Variants in ABCB11 observed in about 807,000 individuals in gnomAD.
ABCB11 encodes the protein bile salt export pump.
A neutral mutation model predicts 148.0 loss-of-function variants in ABCB11; 95 were observed. That is an observed-to-expected ratio of 0.64 (90% CI 0.54 to 0.76). The LOEUF is 0.76. Among genes scored for constraint, ABCB11 ranks in the 30% least tolerant of loss-of-function variants. The probability of loss-of-function intolerance (pLI) is 0.00; values close to 1 mark genes in which losing one functional copy is unlikely to be tolerated. For missense variants in ABCB11, 1,523 were observed against 1,617.8 expected (o/e 0.94, Z 1.01); for synonymous variants, 591 against 555.4 (o/e 1.06, Z -0.90).
chr2:168,932,476 G>T lies in ABCB11; in HGVS notation c.3114C>A (p.Thr1038=), dbSNP rs2105891540. The T allele has an allele frequency of 1.2e-6, 2 of 1,613,492 alleles. No homozygotes were observed. Among genetic ancestry groups the T allele is most frequent in the African/African-American group, 2.7e-5 (2 of 75,004 alleles). The change falls in exon 24 of 28, where the codon ACC becomes ACA. Residue 1038 remains threonine, a synonymous_variant. Transcript: ENST00000650372. Reference sequence around the variant, plus strand: ...ATATTTTAGCTTTTGCATAACTTGGGGTGTAAGAGAAGGCTCTTCCAAGAG... The same window carrying T: ...ATATTTTAGCTTTTGCATAACTTGGTGTGTAAGAGAAGGCTCTTCCAAGAG... The part of the protein sequence containing the change: ...ATALGRAFSY[T]PSYAKAKISA...
downstream of ABCB11, among the ~76,000 whole-genome samples, chr2:168,918,312 G>T (rs768256335): frequency 5.4e-4 from 82 of 152,210 alleles, no homozygotes; most frequent in Non-Finnish European, 1.0e-3. Context: ...TGCCCTCAAA[G>T]ACCATCAATA....
intron 12 of ABCB11, among the ~76,000 whole-genome samples, chr2:168,975,920 C>T (rs1693883990): frequency 6.6e-6 from 1 of 151,542 alleles, no homozygotes; most frequent in East Asian, 1.9e-4. Flanking sequence ...TAGAGATACT[C>T]TGTTGAAAAT....
At chr2:168,928,738 A>G (rs1335668301) in intron 25 of ABCB11, among the ~76,000 whole-genome samples, 1 of 152,220 alleles carries the variant, frequency 6.6e-6, no homozygotes, top group African/African-American at 2.4e-5. Context: ...CAGGCATGCC[A>G]GAAGTGACAT....
intron 10 of ABCB11, 82 bp downstream of exon 10, chr2:168,986,028 T>G: frequency 8.4e-7 from 1 of 1,185,950 alleles, no homozygotes; most frequent in Non-Finnish European, 1.1e-6. Flanking sequence ...GGCACCAAAG[T>G]AATAAACAAA....
chr2:168,933,941 T>C (rs1227238597), intron 23 of ABCB11, among the ~76,000 whole-genome samples: 3 of 151,964 alleles, frequency 2.0e-5, no homozygotes, highest in Non-Finnish European at 2.9e-5. Flanking sequence ...TTTGTAGAGA[T>C]GAGGTTTCGC....
chr2:169,029,442 G>A (rs988720354), intron 1 of ABCB11, among the ~76,000 whole-genome samples: 2 of 152,086 alleles, frequency 1.3e-5, no homozygotes, highest in African/African-American at 2.4e-5. Flanking sequence ...AAATAGAAAG[G>A]CATTATTTTC....
At chr2:168,969,167 T>C (rs986705355) in intron 16 of ABCB11, among the ~76,000 whole-genome samples, 183 bp downstream of exon 16, 1 of 151,716 alleles carries the variant, frequency 6.6e-6, no homozygotes, top group African/African-American at 2.4e-5. Flanking sequence ...AGCCTTGGTT[T>C]TAGTGCTGTA....
chr2:168,945,222 G>C (rs986459529), intron 19 of ABCB11, among the ~76,000 whole-genome samples: 3 of 151,632 alleles, frequency 2.0e-5, no homozygotes, highest in African/African-American at 7.3e-5. Context: ...AGGGTGGTAG[G>C]GGGTATATGG....
chr2:168,941,769 T>C lies in ABCB11; in HGVS notation c.2610+2836A>G, dbSNP rs187616460. On this transcript the variant is annotated intron_variant, in intron 21 of 27. Transcript: ENST00000650372. Reference sequence around the variant, plus strand: ...TGAGGCAAACTTCACAGTTGTCTTATAAGATATTGCCAGTCTAACCTTCAG... The same window carrying C: ...TGAGGCAAACTTCACAGTTGTCTTACAAGATATTGCCAGTCTAACCTTCAG... Among the ~76,000 whole-genome samples, 42 of 152,170 alleles carry C rather than the reference T, an allele frequency of 2.8e-4. No individual in the cohort carries two copies. In the South Asian group the frequency reaches 3.3e-3, roughly 12 times the overall value.
intron 2 of ABCB11, chr2:169,017,827 C>T (rs899781635): frequency 1.3e-5 from 9 of 697,150 alleles, no homozygotes; most frequent in East Asian, 2.6e-5. Flanking sequence ...GTGAGAGATG[C>T]TTTCATTTAC....
chr2:168,918,203 T>C (rs1046254405), downstream of ABCB11, among the ~76,000 whole-genome samples: 8 of 152,178 alleles, frequency 5.3e-5, no homozygotes, highest in Admixed American at 6.5e-5. Flanking sequence ...ACTACCTGTG[T>C]GACTTTGAGA....
intron 10 of ABCB11, among the ~76,000 whole-genome samples, chr2:168,982,640 G>A (rs1553468553): frequency 2.6e-5 from 4 of 152,008 alleles, no homozygotes; most frequent in Non-Finnish European, 4.4e-5. Context: ...AGCCAGTAAC[G>A]ATTTTGTGTA....
chr2:168,979,279 C>T (rs1701429189), intron 11 of ABCB11, among the ~76,000 whole-genome samples: 1 of 151,998 alleles, frequency 6.6e-6, no homozygotes, highest in Non-Finnish European at 1.5e-5. Flanking sequence ...CCTCCCTGCT[C>T]TTACTTCCCA....
rs571875012 is a variant in ABCB11, at chr2:168,999,391, C to T, written c.390-2669G>A. On this transcript the variant is annotated intron_variant, in intron 5 of 27. Transcript: ENST00000650372. ...TGCAAAACTGTAGTACAATATCACACCCAGGATATTGACAGTGATATAATC... is the reference window on the plus strand; with the variant it reads ...TGCAAAACTGTAGTACAATATCACATCCAGGATATTGACAGTGATATAATC... Among the ~76,000 whole-genome samples, 26 of 151,904 alleles carry T rather than the reference C, an allele frequency of 1.7e-4. 1 individual carries two copies. The South Asian group carries it at 3.9e-3, about 23-fold the overall frequency.
intron 10 of ABCB11, among the ~76,000 whole-genome samples, chr2:168,981,098 C>G (rs889426795): frequency 6.6e-6 from 1 of 152,076 alleles, no homozygotes; most frequent in African/African-American, 2.4e-5. Context: ...TAGGCCAGAC[C>G]CTTCCCATTT....
intron 7 of ABCB11, 101 bp downstream of exon 7, chr2:168,995,246 CAT>C (rs1474415094): frequency 1.4e-4 from 180 of 1,325,332 alleles, no homozygotes; most frequent in Middle Eastern, 1.3e-3. Flanking sequence ...AGAGATGAAA[CAT>C]AGGAAAACTG....
At chr2:169,002,319 G>A (rs1269035873) in intron 5 of ABCB11, among the ~76,000 whole-genome samples, 2 of 151,924 alleles carry the variant, frequency 1.3e-5, no homozygotes, top group Non-Finnish European at 2.9e-5. Flanking sequence ...GCAAGAATGT[G>A]GAAAAAAGGG....
At chr2:168,998,794 T>C (rs1694792280) in intron 5 of ABCB11, among the ~76,000 whole-genome samples, 1 of 152,118 alleles carries the variant, frequency 6.6e-6, no homozygotes, top group African/African-American at 2.4e-5. Context: ...GATAAAGATA[T>C]ATGCAGTTTA....
intron 1 of ABCB11, among the ~76,000 whole-genome samples, chr2:169,030,017 G>A (rs1443291540): frequency 8.2e-6 from 1 of 121,538 alleles, no homozygotes; most frequent in Non-Finnish European, 1.8e-5. Context: ...TGAGATTACA[G>A]GCGTGAGCCA....
Sources: gnomAD v4.1 joint callset for allele counts (sites outside exome capture counted in the v4.1 genomes callset) on GRCh38, gnomAD v4.1.1 for gene constraint, MANE v1.5 for transcripts, NCBI Gene and HGNC (gene_info 2026-07-23, HGNC 2026-07-21) for gene names.